Variants in CEP112 observed in about 807,000 individuals in gnomAD.
The protein encoded by CEP112 is centrosomal protein of 112 kDa.
Under a neutral mutation model 153.0 loss-of-function variants are expected in CEP112, and 127 were observed. The observed-to-expected ratio is 0.83, with a 90% CI of 0.72 to 0.96. The LOEUF (loss-of-function observed/expected upper bound fraction) is 0.96, where lower values mean the gene tolerates loss of function less well. CEP112 is among the 40% of genes least tolerant of loss of function. The pLI is 0.00. For synonymous variants in CEP112, 358 were observed against 374.4 expected (o/e 0.96, Z 0.51); for missense variants, 1,089 against 1,101.2 (o/e 0.99, Z 0.16).
intron 17 of CEP112, among the ~76,000 whole-genome samples, chr17:65,970,531 T>C (rs936525018): frequency 6.6e-6 from 1 of 151,906 alleles, no homozygotes; most frequent in African/African-American, 2.4e-5. Context: ...AATACATGTA[T>C]AACACATGAA....
chr17:65,721,913 C>T (rs1331096242), intron 23 of CEP112, among the ~76,000 whole-genome samples: 2 of 152,094 alleles, frequency 1.3e-5, no homozygotes, highest in Non-Finnish European at 2.9e-5. Flanking sequence ...AGACTGCCCA[C>T]ATGAGAAATG....
At chr17:65,713,452 GT>G (rs947938699) in intron 23 of CEP112, among the ~76,000 whole-genome samples, 4 of 152,184 alleles carry the variant, frequency 2.6e-5, no homozygotes, top group African/African-American at 9.7e-5. Context: ...GTACCAAAGT[GT>G]TGTGCTACAC....
chr17:66,109,939 T>C (rs1306449334), intron 6 of CEP112, among the ~76,000 whole-genome samples: 2 of 152,160 alleles, frequency 1.3e-5, no homozygotes, highest in East Asian at 1.9e-4. Context: ...GGCGAGCAGA[T>C]CATGAGGTCA....
At chr17:66,150,311 A>G (rs2146677635) in intron 4 of CEP112, among the ~76,000 whole-genome samples, 1 of 147,498 alleles carries the variant, frequency 6.8e-6, no homozygotes, top group African/African-American at 2.5e-5. Context: ...AATTCTTGTG[A>G]CTCAGCCTCC....
In CEP112 at chr17:66,040,501, T is replaced by TC. The variant is rs1205825805; in HGVS notation, c.1219-10479_1219-10478insG. 2.7e-5 allele frequency among the ~76,000 whole-genome samples: 4 copies of TC among 149,478 alleles called. No individual in the cohort carries two copies. In the East Asian group the frequency reaches 7.8e-4, roughly 29 times the overall value. On this transcript the variant is annotated intron_variant, in intron 12 of 26. Transcript: ENST00000535342. ...TGCCTTTTCCCTTTTTTTCTTTTTT[T>TC]TTTTTTTTGAGACAGAGTCTTGCTG... is the stretch of plus-strand genomic sequence containing the variant.
At chr17:66,075,356 G>A (rs1331973377) in intron 8 of CEP112, among the ~76,000 whole-genome samples, 2 of 152,054 alleles carry the variant, frequency 1.3e-5, no homozygotes, top group African/African-American at 4.8e-5. Flanking sequence ...GCACAATATT[G>A]ACACTAAAAA....
chr17:66,035,008 A>ATTTTTT lies in CEP112; in HGVS notation c.1219-4991_1219-4986dup, dbSNP rs1218978308. ...TATATATATACATATATATATATAT[A>ATTTTTT]TTTTTTTTTTTAGTAGAGATGGAGT... On this transcript the variant is annotated intron_variant, in intron 12 of 26. Coordinates refer to ENST00000535342, the MANE Select transcript of CEP112 (RefSeq NM_001199165.4). Among the ~76,000 whole-genome samples, 106 of 72,296 alleles carry ATTTTTT rather than the reference A, an allele frequency of 1.5e-3. 2 individuals carry two copies. The East Asian group carries it at 0.028, about 19-fold the overall frequency. 47.4% of individuals were successfully genotyped at this position (72,296 alleles called of 152,430 possible). A position where few individuals can be genotyped will look rare whatever the true frequency, so the allele number is the denominator to read the frequency against.
intron 21 of CEP112, among the ~76,000 whole-genome samples, chr17:65,774,715 C>T (rs929636872): frequency 2.6e-5 from 4 of 152,138 alleles, no homozygotes; most frequent in Non-Finnish European, 5.9e-5. Context: ...GGCTTACATG[C>T]CATCCTGGAA....
chr17:65,827,036 C>T (rs1369894637), intron 21 of CEP112, among the ~76,000 whole-genome samples: 2 of 152,232 alleles, frequency 1.3e-5, no homozygotes, highest in African/African-American at 4.8e-5. Flanking sequence ...GCTGAGTCTT[C>T]TGGCCTTCAT....
chr17:66,177,854 T>TC lies in CEP112; in HGVS notation c.107-835dup, dbSNP rs965210681. Among the ~76,000 whole-genome samples, 55 of 152,254 alleles carry TC rather than the reference T, an allele frequency of 3.6e-4. 2 individuals carry two copies. Among genetic ancestry groups the TC allele is most frequent in the Admixed American group, 2.4e-3 (37 of 15,286 alleles). ...CCAGCTTATTTCACTTAACATAATGTCCCCCAGTTCCAGCCATGTTGTTGC... is the reference window on the plus strand; with the variant it reads ...CCAGCTTATTTCACTTAACATAATGTCCCCCCAGTTCCAGCCATGTTGTTGC... On this transcript the variant is annotated intron_variant, in intron 2 of 26. Transcript: ENST00000535342.
rs181031323 is a variant in CEP112 at position 65,764,841 on chromosome 17, T to A, written c.2395-14117A>T. Among the ~76,000 whole-genome samples the A allele has an allele frequency of 5.2e-4, 76 of 146,816 alleles. 1 individual carries two copies. Among genetic ancestry groups the A allele is most frequent in the Admixed American group, 3.7e-3 (54 of 14,516 alleles). The stretch of plus-strand genomic sequence containing the variant: ...TGTTTTGTATATCCTTTGTTCCTTT[T>A]TTCCTTTCTTATTTGCCTTCATGAT... On this transcript the variant is annotated intron_variant, in intron 21 of 26. Coordinates refer to ENST00000535342, the MANE Select transcript of CEP112 (RefSeq NM_001199165.4).
chr17:65,947,853 T>C (rs1278822277), intron 18 of CEP112, among the ~76,000 whole-genome samples: 3 of 152,138 alleles, frequency 2.0e-5, no homozygotes, highest in African/African-American at 7.2e-5. Context: ...AAAATGCTTC[T>C]ATTTATATTG....
At chr17:66,144,520 C>T (rs915626702) in intron 4 of CEP112, among the ~76,000 whole-genome samples, 1 of 152,032 alleles carries the variant, frequency 6.6e-6, no homozygotes, top group African/African-American at 2.4e-5. Flanking sequence ...TCATGAAACC[C>T]CATCTCTACT....
intron 21 of CEP112, among the ~76,000 whole-genome samples, chr17:65,818,983 A>C (rs2056403603): frequency 6.6e-6 from 1 of 151,960 alleles, no homozygotes; most frequent in Admixed American, 6.6e-5. Context: ...TGAAGATGTT[A>C]ATTAACCATA....
rs373938625 is a variant in CEP112, at chr17:66,059,191, T to C, written c.1074+3772A>G. ...GACTTAAGTATAAGACTTAAAACTA[T>C]AAAAATCCTAGAAGAAAACCTAGGA... On this transcript the variant is annotated intron_variant, in intron 11 of 26. Coordinates refer to ENST00000535342, the MANE Select transcript of CEP112 (RefSeq NM_001199165.4). 6.6e-5 allele frequency among the ~76,000 whole-genome samples: 10 copies of C among 152,134 alleles called. No homozygotes were observed. In the South Asian group the frequency reaches 1.2e-3, roughly 19 times the overall value.
At chr17:66,116,403 T>C (rs977894720) in intron 6 of CEP112, among the ~76,000 whole-genome samples, 5 of 152,212 alleles carry the variant, frequency 3.3e-5, no homozygotes, top group Admixed American at 2.0e-4. Flanking sequence ...TTGTTTCTTG[T>C]AGGTTTTTGT....
At chr17:66,185,489 G>T (rs1014756129) in intron 1 of CEP112, among the ~76,000 whole-genome samples, 1 of 152,118 alleles carries the variant, frequency 6.6e-6, no homozygotes, top group Admixed American at 6.5e-5. Context: ...CCAAAGTGCT[G>T]GCATTACAGG....
At chr17:65,693,539 G>C (rs896630128) in intron 23 of CEP112, among the ~76,000 whole-genome samples, 1 of 152,020 alleles carries the variant, frequency 6.6e-6, no homozygotes, top group Non-Finnish European at 1.5e-5. Flanking sequence ...AGAAGGGGAT[G>C]GGTGAAGTGG....
chr17:65,802,145 A>G (rs1797049769), intron 21 of CEP112, among the ~76,000 whole-genome samples: 1 of 152,160 alleles, frequency 6.6e-6, no homozygotes, highest in African/African-American at 2.4e-5. Context: ...GTTAGTGGTC[A>G]GCTAATGATT....
Sources: gnomAD v4.1 joint callset for allele counts (sites outside exome capture counted in the v4.1 genomes callset) on GRCh38, gnomAD v4.1.1 for gene constraint, MANE v1.5 for transcripts, NCBI Gene and HGNC (gene_info 2026-07-23, HGNC 2026-07-21) for gene names.